The following POLQ variants were observed in gnomAD, a reference collection of about 807,000 sequenced individuals.
POLQ encodes DNA polymerase theta.
A neutral mutation model predicts 259.2 loss-of-function variants in POLQ; 233 were observed. The ratio of observed to expected loss-of-function variants is 0.90; its 90% CI spans 0.81 to 1.00. The LOEUF (loss-of-function observed/expected upper bound fraction) is 1.00. POLQ is among the 50% of genes least tolerant of loss of function. POLQ has a pLI of 0.00. For missense variants in POLQ, 2,871 were observed against 3,051.6 expected (o/e 0.94, Z 1.39); for synonymous variants, 1,025 against 1,048.8 (o/e 0.98, Z 0.44).
chr3:121,467,484 G>T (rs749183505), intron 24 of POLQ, 35 bp downstream of exon 24: 1 of 1,605,674 alleles, frequency 6.2e-7, no homozygotes, highest in East Asian at 2.2e-5. Flanking sequence ...CATTCTCACA[G>T]CAATGAGAAG....
Position 121,521,954 on chromosome 3 carries a change from G to C in POLQ, c.1255+49C>G, listed in dbSNP as rs774386196. 2.4e-6 allele frequency: 3 copies of C among 1,255,810 alleles called. No homozygotes were observed. In the African/African-American group the frequency reaches 4.6e-5, roughly 19 times the overall value. The allele number at this position is 1,255,810 out of a possible 1,614,324, so 77.8% of individuals were successfully genotyped here. A position where few individuals can be genotyped will look rare whatever the true frequency, so the allele number is the denominator to read the frequency against. ...GTACACAAATATAAAAGTTAAGACA[G>C]TATGAGGAATTTTGGAGGTTTCTTA... On this transcript the variant is annotated intron_variant, in intron 8 of 29. Coordinates refer to ENST00000264233, the MANE Select transcript of POLQ (RefSeq NM_199420.4).
chr3:121,488,188 C>A lies in POLQ; in HGVS notation c.4743G>T (p.Lys1581Asn). The A allele has an allele frequency of 1.2e-6, 2 of 1,613,614 alleles. No homozygotes were observed. Among genetic ancestry groups the A allele is most frequent in the African/African-American group, 1.3e-5 (1 of 75,050 alleles). ...CTCTAGGAGATACTACAGTATGATT[C>A]TTCTCTTGGACAGGAAATATATCCA... ...DNVDIFPVQEKNHTVVSPRAL... is the reference protein window; with the variant it reads ...DNVDIFPVQENNHTVVSPRAL... The change falls in exon 16 of 30, where the codon AAG becomes AAT. Residue 1581 changes from lysine to asparagine, a missense_variant. Lys to Asn is a moderately conservative substitution (Grantham distance 94). Transcript: ENST00000264233.
At chr3:121,542,335 A>T (rs2048496418) in intron 2 of POLQ, among the ~76,000 whole-genome samples, 1 of 152,118 alleles carries the variant, frequency 6.6e-6, no homozygotes, top group Admixed American at 6.6e-5. Context: ...GGCTGCAGTG[A>T]GTTGCAGTCA....
rs761919029 is a variant in POLQ, at chr3:121,488,033, CCT to C, written c.4896_4897del (p.Ala1634IlefsTer3). ...TCCTGGACTTAGATCAAATGATGCC[CCT>C]GACCATATGAATGAATGATTTTGCC... On this transcript the variant is annotated frameshift_variant, in exon 16 of 30. Transcript: ENST00000264233. LOFTEE classifies it high-confidence loss of function. The C allele has an allele frequency of 6.2e-7, 1 of 1,613,752 alleles. No homozygotes were observed. Among genetic ancestry groups the C allele is most frequent in the Non-Finnish European group, 8.5e-7 (1 of 1,179,788 alleles).
In POLQ at chr3:121,483,421, C is replaced by A; in HGVS notation, c.5935G>T (p.Gly1979Cys). ...TCATAACTTTGCTCCAAGGAGATGC[C>A]ACAAGAAAGAAGAAGAATTTTATAG... Reference protein sequence around the residue: ...QSYKILLLSCGISLEQSYEDP... With the variant: ...QSYKILLLSCCISLEQSYEDP... Residue 1979 changes from glycine to cysteine, a missense_variant, in exon 18 of 30, where the codon GGC becomes TGC. This residue lies in a region of POLQ where 2,080 missense variants were observed against 2,126.0 expected (regional missense o/e 0.98). Coordinates refer to ENST00000264233, the MANE Select transcript of POLQ (RefSeq NM_199420.4). The A allele has an allele frequency of 6.3e-7, 1 of 1,584,518 alleles. No individual in the cohort carries two copies.
chr3:121,473,086 T>C (rs908348201), intron 21 of POLQ, among the ~76,000 whole-genome samples: 76 of 152,212 alleles, frequency 5.0e-4, no homozygotes, highest in African/African-American at 1.6e-3. Flanking sequence ...TAGCCAGGCA[T>C]GGTGGTACAC....
In POLQ at chr3:121,488,585, T is replaced by C; in HGVS notation, c.4346A>G (p.Tyr1449Cys). The C allele has an allele frequency of 6.2e-7, 1 of 1,610,274 alleles. No individual in the cohort carries two copies. The highest frequency in any genetic ancestry group is 1.1e-5 in the South Asian group (1 of 89,852). Residue 1449 changes from tyrosine (Y) to cysteine (C), a missense_variant, in exon 16 of 30, where the codon TAT (tyrosine) becomes TGT (cysteine). This residue lies in a region of POLQ where 2,080 missense variants were observed against 2,126.0 expected (regional missense o/e 0.98). Transcript: ENST00000264233. ...DSQLNSFLQG[Y>C]QTQETVKPVI... ...TGGTTTCACAGTTTCTTGTGTTTGA[T>C]AACCTTGAAGAAAACTATTTAATTG...
intron 26 of POLQ, among the ~76,000 whole-genome samples, chr3:121,445,801 T>C (rs1367845442): frequency 6.6e-6 from 1 of 151,808 alleles, no homozygotes; most frequent in African/African-American, 2.4e-5. Flanking sequence ...AGGCAGATGT[T>C]GCAGTGAGCC....
chr3:121,519,393 A>G (rs556012877), intron 9 of POLQ, among the ~76,000 whole-genome samples: 1 of 143,434 alleles, frequency 7.0e-6, no homozygotes, highest in African/African-American at 2.5e-5. Flanking sequence ...TATGAAAATT[A>G]TGCCAGGCGC....
At position 121,472,019 on chromosome 3, in the gene POLQ, T is replaced by C. The variant is rs778162545; in HGVS notation, c.6689A>G (p.Tyr2230Cys). ...AGCAGTGTGCGACTGTGATACAGGA[T>C]AGATTCTTTCCATTCCAAGAAAAGG... ...LNPFLGMERI[Y>C]PVSQSHTATG... The change falls in exon 22 of 30, where the codon TAT (tyrosine) becomes TGT (cysteine). Residue 2230 changes from tyrosine to cysteine, a missense_variant. Physicochemically the swap from Tyr to Cys is radical, Grantham distance 194. Transcript: ENST00000264233. 1 of 1,573,662 alleles carries C rather than the reference T, an allele frequency of 6.4e-7. No homozygotes were observed. The highest frequency in any genetic ancestry group is 1.7e-5 in the Admixed American group (1 of 58,846).
intron 7 of POLQ, among the ~76,000 whole-genome samples, chr3:121,522,772 A>G (rs1309252519): frequency 6.6e-6 from 1 of 152,170 alleles, no homozygotes; most frequent in Non-Finnish European, 1.5e-5. Context: ...CGAAGCCCAC[A>G]GGAGGGGATC....
Position 121,489,292 on chromosome 3 carries a change from T to C in POLQ, c.3639A>G (p.Ile1213Met), listed in dbSNP as rs780633203. 2.5e-6 allele frequency: 4 copies of C among 1,613,706 alleles called. No homozygotes were observed. The highest frequency in any genetic ancestry group is 3.4e-6 in the Non-Finnish European group (4 of 1,179,880). Residue 1213 changes from isoleucine to methionine, a missense_variant, in exon 16 of 30, where the codon ATA (isoleucine) becomes ATG (methionine). By Grantham distance (10) the Ile-to-Met change is conservative. Transcript: ENST00000264233. ...CTTCACAGGGCATTTGTCTCTCTAT[T>C]ATATTTTTCTGTTTGGTAATAGTGC... ...QTSTITKQKN[I>M]IERQMPCEAV...
rs76287450 is a variant in POLQ, at chr3:121,469,680, C to T, written c.6719-1249G>A. Among the ~76,000 whole-genome samples, 1,439 of 152,124 alleles carry T rather than the reference C, an allele frequency of 9.5e-3. 11 individuals are homozygous for T. The highest frequency in any genetic ancestry group is 0.014 in the Middle Eastern group (4 of 294). Reference sequence around the variant, plus strand: ...AACACTTAATATTCAGCACACTACTCTGGTCTATTAGTTGAATTAATGAAG... The same window carrying T: ...AACACTTAATATTCAGCACACTACTTTGGTCTATTAGTTGAATTAATGAAG... On this transcript the variant is annotated intron_variant, in intron 22 of 29. Coordinates refer to ENST00000264233, the MANE Select transcript of POLQ (RefSeq NM_199420.4).
chr3:121,494,411 T>C, intron 14 of POLQ: 1 of 1,553,910 alleles, frequency 6.4e-7, no homozygotes, highest in Non-Finnish European at 8.8e-7. Flanking sequence ...GGCCCACAAG[T>C]ACAGACCAGA....
Position 121,476,576 on chromosome 3 carries a change from G to A in POLQ, c.6369C>T (p.His2123=). 6.2e-7 allele frequency: 1 copy of A among 1,613,784 alleles called. No homozygotes were observed. The highest frequency in any genetic ancestry group is 8.5e-7 in the Non-Finnish European group (1 of 1,179,838). ...IETQAYQLAG[H]SFSFTSSDDI... ...CATCTGAACTGGTGAAAGAAAAACT[G>A]TGGCCAGCTAGTTGATAGGCCTGGG... The change falls in exon 20 of 30, where the codon CAC becomes CAT. Residue 2123 remains histidine, a synonymous_variant. Transcript: ENST00000264233.
intron 14 of POLQ, among the ~76,000 whole-genome samples, chr3:121,495,803 G>A (rs548868149): frequency 6.9e-6 from 1 of 145,396 alleles, no homozygotes; most frequent in African/African-American, 2.6e-5. Context: ...GAGCCGAGAT[G>A]GCGCCACTGC....
chr3:121,481,686 C>T lies in POLQ; in HGVS notation c.6097G>A (p.Gly2033Arg), dbSNP rs1223683053. The change falls in exon 19 of 30, where the codon GGG becomes AGG. Residue 2033 changes from glycine (G) to arginine (R), a missense_variant. Gly to Arg is a moderately radical substitution (Grantham distance 125, BLOSUM62 -2). This residue lies in a region of POLQ where 2,080 missense variants were observed against 2,126.0 expected (regional missense o/e 0.98). Coordinates refer to ENST00000264233, the MANE Select transcript of POLQ (RefSeq NM_199420.4). ...GAATGCTCACTGCCAGCATTTAGCC[C>T]CAGGCTTTGAATCCCTTGGCTGGTC... The part of the protein sequence containing the change: ...METSQGIQSL[G>R]LNAGSEHSGR... 1.2e-6 allele frequency: 2 copies of T among 1,614,082 alleles called. No homozygotes were observed. Among genetic ancestry groups the T allele is most frequent in the Admixed American group, 3.3e-5 (2 of 59,982 alleles).
intron 7 of POLQ, among the ~76,000 whole-genome samples, chr3:121,522,468 C>T (rs2048344596): frequency 6.7e-6 from 1 of 149,848 alleles, no homozygotes; most frequent in Non-Finnish European, 1.5e-5. Flanking sequence ...CCTGCCACCG[C>T]GCCCGGCTAA....
At chr3:121,433,068 TG>T (rs1400175494) in intron 28 of POLQ, 35 bp from the exon 29 acceptor site, 1 of 1,102,812 alleles carries the variant, frequency 9.1e-7, no homozygotes, top group African/African-American at 1.5e-5. Flanking sequence ...CTGATCAGCA[TG>T]TCGCTAAGTC....
Sources: allele counts gnomAD v4.1 joint callset (sites outside exome capture counted in the v4.1 genomes callset), GRCh38; gene constraint gnomAD v4.1.1; regional missense constraint gnomAD v4.1.1; transcripts MANE v1.5; gene names NCBI Gene and HGNC (gene_info 2026-07-23, HGNC 2026-07-21).